HEY1: variants seen among roughly 807,000 people sequenced by gnomAD.
The protein encoded by HEY1 is hes related family bHLH transcription factor with YRPW motif 1, also known as hairy/enhancer-of-split related with YRPW motif protein 1.
Under a neutral mutation model 28.7 loss-of-function variants are expected in HEY1, and 9 were observed. The observed-to-expected ratio is 0.31, with a 90% CI of 0.19 to 0.55. HEY1 has a LOEUF of 0.55. HEY1 is among the 20% of genes least tolerant of loss of function. The pLI, the probability that HEY1 is intolerant of heterozygous loss-of-function variation, is 0.93. For synonymous variants in HEY1, 213 were observed against 175.6 expected (o/e 1.21, Z -1.68); for missense variants, 385 against 399.4 (o/e 0.96, Z 0.31).
At chr8:79,766,334 C>A in intron 4 of HEY1, 1 of 1,500,008 alleles carries the variant, frequency 6.7e-7, no homozygotes, top group Non-Finnish European at 8.8e-7. Context: ...AATGCTTTTT[C>A]TCAAAATAGC....
At position 79,767,107 on chromosome 8, in the gene HEY1, C is replaced by G; in HGVS notation, c.166-15G>C. 1 of 1,609,260 alleles carries G rather than the reference C, an allele frequency of 6.2e-7. No homozygotes were observed. Among genetic ancestry groups the G allele is most frequent in the Middle Eastern group, 1.7e-4 (1 of 6,054 alleles). ...TTCTCAATTATCTGCAGAAGGCAAGCAAAACAAAGGAAGGCATTACCATTA... is the reference window on the plus strand; with the variant it reads ...TTCTCAATTATCTGCAGAAGGCAAGGAAAACAAAGGAAGGCATTACCATTA... On this transcript the variant is annotated splice_polypyrimidine_tract_variant and intron_variant, in intron 2 of 4. Coordinates refer to ENST00000354724, the MANE Select transcript of HEY1 (RefSeq NM_012258.4).
intron 4 of HEY1, 69 bp downstream of exon 4, chr8:79,766,582 T>C: frequency 6.2e-7 from 1 of 1,607,090 alleles, no homozygotes; most frequent in Non-Finnish European, 8.5e-7. Context: ...ACTGCACCAA[T>C]CCTGGCCTTC....
rs1312853248 is a variant in HEY1, at chr8:79,764,022, T to C, written c.*1166A>G. On this transcript the variant is annotated 3_prime_UTR_variant, in exon 5 of 5. Transcript: ENST00000354724. ...ATACACCACAGAATACTTTGTTCTT[T>C]CTTTTTTATTTAGTCACAACACATC... 1 of 172,224 alleles carries C rather than the reference T, an allele frequency of 5.8e-6. No homozygotes were observed. The highest frequency in any genetic ancestry group is 1.2e-5 in the Non-Finnish European group (1 of 81,790). The allele number at this position is 172,224 out of a possible 1,614,324, so 10.7% of individuals were successfully genotyped here.
In HEY1 at chr8:79,765,732, C is replaced by T. The variant is rs748316155; in HGVS notation, c.371G>A (p.Ser124Asn). 5 of 1,613,986 alleles carry T rather than the reference C, an allele frequency of 3.1e-6. No individual in the cohort carries two copies. Among genetic ancestry groups the T allele is most frequent in the Admixed American group, 3.3e-5 (2 of 60,034 alleles). The change falls in exon 5 of 5, where the codon AGT becomes AAT. Residue 124 changes from serine (S) to asparagine (N), a missense_variant. Physicochemically the swap from Ser to Asn is conservative, Grantham distance 46. This residue lies in a region of HEY1 where 83 missense variants were observed against 122.7 expected (regional missense o/e 0.68). Coordinates refer to ENST00000354724, the MANE Select transcript of HEY1 (RefSeq NM_012258.4). ...DAHALAMDYR[S>N]LGFRECLAEV... The stretch of plus-strand genomic sequence containing the variant: ...TGCCAGGCATTCCCGAAATCCCAAA[C>T]TCCGATAGTCCATAGCAAGGGCGTG...
Position 79,767,253 on chromosome 8 carries a change from G to C in HEY1, c.131C>G (p.Ser44Cys). The change falls in exon 2 of 5, where the codon TCT becomes TGT. Residue 44 changes from serine to cysteine, a missense_variant. Around this residue, in one of 3 missense-constraint regions of HEY1, gnomAD observed 79 missense variants for 60.7 expected, o/e 1.30. Coordinates refer to ENST00000354724, the MANE Select transcript of HEY1 (RefSeq NM_012258.4). ...TCTTTTTCTGGCCAAAATCTGGGAA[G>C]ATGTAGTTGGGGACATGGAACCTAG... ...SALGSMSPTT[S>C]SQILARKRRR... The C allele has an allele frequency of 1.2e-6, 2 of 1,614,016 alleles. No individual in the cohort carries two copies. Among genetic ancestry groups the C allele is most frequent in the East Asian group, 4.5e-5 (2 of 44,894 alleles).
chr8:79,767,741 C>G lies in HEY1; in HGVS notation c.-78G>C. ...TTAACTACAGCGGCGCCTCTCCGCT[C>G]TCGGCTGCTTGCGTTCCGCACACAC... On this transcript the variant is annotated 5_prime_UTR_variant, in exon 1 of 5. Coordinates refer to ENST00000354724, the MANE Select transcript of HEY1 (RefSeq NM_012258.4). 3 of 1,040,338 alleles carry G rather than the reference C, an allele frequency of 2.9e-6. No individual in the cohort carries two copies. Among genetic ancestry groups the G allele is most frequent in the Non-Finnish European group, 4.3e-6 (3 of 693,632 alleles). 64.4% of individuals were successfully genotyped at this position (1,040,338 alleles called of 1,614,324 possible).
chr8:79,766,850 G>T, intron 3 of HEY1, 118 bp from the exon 4 acceptor site: 2 of 1,289,898 alleles, frequency 1.6e-6, no homozygotes, highest in Non-Finnish European at 1.1e-6. Context: ...ATGGACTAAA[G>T]CAAAATCAGT....
chr8:79,767,348 G>T (rs997444809), intron 1 of HEY1, 54 bp from the exon 2 acceptor site: 77 of 1,503,680 alleles, frequency 5.1e-5, no homozygotes, highest in Non-Finnish European at 1.3e-5. Context: ...AACGAGGAGA[G>T]GTGATCTGAG....
At position 79,765,708 on chromosome 8, in the gene HEY1, G is replaced by T. The variant is rs1378656619; in HGVS notation, c.395C>A (p.Ala132Glu). ...YRSLGFRECL[A>E]EVARYLSIIE... ...GATGCTCAGATAACGCGCAACTTCTGCCAGGCATTCCCGAAATCCCAAACT... is the reference window on the plus strand; with the variant it reads ...GATGCTCAGATAACGCGCAACTTCTTCCAGGCATTCCCGAAATCCCAAACT... The change falls in exon 5 of 5, where the codon GCA becomes GAA. Residue 132 changes from alanine to glutamate, a missense_variant. Around this residue, in one of 3 missense-constraint regions of HEY1, gnomAD observed 83 missense variants for 122.7 expected, o/e 0.68. Coordinates refer to ENST00000354724, the MANE Select transcript of HEY1 (RefSeq NM_012258.4). 1.2e-6 allele frequency: 2 copies of T among 1,614,196 alleles called. No individual in the cohort carries two copies. Among genetic ancestry groups the T allele is most frequent in the South Asian group, 2.2e-5 (2 of 91,086 alleles).
intron 3 of HEY1, 60 bp downstream of exon 3, chr8:79,766,948 AG>A (rs200244794): frequency 8.5e-6 from 12 of 1,408,636 alleles, no homozygotes; most frequent in Non-Finnish European, 1.2e-5. Flanking sequence ...GAGATTAATG[AG>A]GGGAAGATTC....
chr8:79,764,176 G>A lies in HEY1; in HGVS notation c.*1012C>T. On this transcript the variant is annotated 3_prime_UTR_variant, in exon 5 of 5. Coordinates refer to ENST00000354724, the MANE Select transcript of HEY1 (RefSeq NM_012258.4). ...AAATCAAAGAGAAGGAGGCAGGAAA[G>A]CCCTTTTAAATACCTTGGCAACCAC... 1 of 212,546 alleles carries A rather than the reference G, an allele frequency of 4.7e-6. No homozygotes were observed. 13.2% of individuals were successfully genotyped at this position (212,546 alleles called of 1,614,324 possible).
At chr8:79,766,893 G>A in intron 3 of HEY1, 116 bp downstream of exon 3, 2 of 1,205,950 alleles carry the variant, frequency 1.7e-6, no homozygotes, top group Non-Finnish European at 2.4e-6. Flanking sequence ...ATCTGTGTAC[G>A]AATTCATCTA....
rs1165553743 is a variant in HEY1, at chr8:79,765,574, G to A, written c.529C>T (p.His177Tyr). Residue 177 changes from histidine (H) to tyrosine (Y), a missense_variant, in exon 5 of 5, where the codon CAC becomes TAC. Around this residue, in one of 3 missense-constraint regions of HEY1, gnomAD observed 223 missense variants for 215.9 expected, o/e 1.03. Coordinates refer to ENST00000354724, the MANE Select transcript of HEY1 (RefSeq NM_012258.4). ...CCGAAGACGGTCCCCCAGGGAATGT[G>A]TCCGAGGCCCGCGTGGGCGCCGCTC... ...AASGAHAGLG[H>Y]IPWGTVFGHH... 6.2e-7 allele frequency: 1 copy of A among 1,614,072 alleles called. No homozygotes were observed. The highest frequency in any genetic ancestry group is 1.6e-4 in the Middle Eastern group (1 of 6,084).
chr8:79,764,676 T>C lies in HEY1; in HGVS notation c.*512A>G, dbSNP rs1807782935. 1 of 221,820 alleles carries C rather than the reference T, an allele frequency of 4.5e-6. No homozygotes were observed. The highest frequency in any genetic ancestry group is 9.0e-6 in the Non-Finnish European group (1 of 110,918). 13.7% of individuals were successfully genotyped at this position (221,820 alleles called of 1,614,324 possible). On this transcript the variant is annotated 3_prime_UTR_variant, in exon 5 of 5. Coordinates refer to ENST00000354724, the MANE Select transcript of HEY1 (RefSeq NM_012258.4). Reference sequence around the variant, plus strand: ...TTGCTCAGAAATATAAAATTCAATATAGTTCCCCTCCCCCCAAAAGAATAT... The same window carrying C: ...TTGCTCAGAAATATAAAATTCAATACAGTTCCCCTCCCCCCAAAAGAATAT...
Position 79,767,090 on chromosome 8 carries a change from T to C in HEY1, c.168A>G (p.Ile56Met). 1 of 1,613,636 alleles carries C rather than the reference T, an allele frequency of 6.2e-7. No homozygotes were observed. Among genetic ancestry groups the C allele is most frequent in the Non-Finnish European group, 8.5e-7 (1 of 1,179,638 alleles). ...TCCGGTCTCGTCGGCGCTTCTCAAT[T>C]ATCTGCAGAAGGCAAGCAAAACAAA... ...QILARKRRRGIIEKRRRDRIN... is the reference protein window; with the variant it reads ...QILARKRRRGMIEKRRRDRIN... The change falls in exon 3 of 5, where the codon ATA becomes ATG. Residue 56 changes from isoleucine (I) to methionine (M), a missense_variant and splice_region_variant. Coordinates refer to ENST00000354724, the MANE Select transcript of HEY1 (RefSeq NM_012258.4).
rs1159436713 is a variant in HEY1, at chr8:79,765,590, G to A, written c.513C>T (p.Ala171=). The change falls in exon 5 of 5, where the codon GCC becomes GCT. Residue 171 remains alanine (A), a synonymous_variant. Coordinates refer to ENST00000354724, the MANE Select transcript of HEY1 (RefSeq NM_012258.4). ...AGGGAATGTGTCCGAGGCCCGCGTG[G>A]GCGCCGCTCGCGGCTTCCCGCTGGG... is the stretch of plus-strand genomic sequence containing the variant. ...YASQREAASG[A]HAGLGHIPWG... The A allele has an allele frequency of 1.2e-6, 2 of 1,614,152 alleles. No individual in the cohort carries two copies. The highest frequency in any genetic ancestry group is 1.7e-6 in the Non-Finnish European group (2 of 1,180,046).
In HEY1 at chr8:79,766,386, TCA is replaced by T. The variant is rs1807837987; in HGVS notation, c.331+263_331+264del. 2.1e-6 allele frequency: 3 copies of T among 1,457,558 alleles called. No individual in the cohort carries two copies. The Admixed American group carries it at 8.3e-5, about 40-fold the overall frequency. 90.3% of individuals were successfully genotyped at this position (1,457,558 alleles called of 1,614,324 possible). A position where few individuals can be genotyped will look rare whatever the true frequency, so the allele number is the denominator to read the frequency against. ...AGCTACCTGATCTGAATCAGGGCTG[TCA>T]CAACTTTTGAAGACCTCACAAATAA... is the stretch of plus-strand genomic sequence containing the variant. On this transcript the variant is annotated intron_variant, in intron 4 of 4. Coordinates refer to ENST00000354724, the MANE Select transcript of HEY1 (RefSeq NM_012258.4).
At chr8:79,766,915 C>A (rs1055919472) in intron 3 of HEY1, 94 bp downstream of exon 3, 4 of 1,273,196 alleles carry the variant, frequency 3.1e-6, no homozygotes, top group Non-Finnish European at 4.5e-6. Context: ...GCACAAGCAA[C>A]ACAGCTATTT....
Position 79,767,582 on chromosome 8 carries a change from C to T in HEY1, c.82G>A (p.Glu28Lys), listed in dbSNP as rs759805050. The part of the protein sequence containing the change: ...TIEVEKESAD[E>K]NGNLSSALGS... ...CCGCCGCCGCCAGCTCACCCATTCT[C>T]GTCCGCACTCTCCTTCTCCACCTCG... Residue 28 changes from glutamate to lysine, a missense_variant, in exon 1 of 5, where the codon GAG becomes AAG. Transcript: ENST00000354724. 1 of 1,608,080 alleles carries T rather than the reference C, an allele frequency of 6.2e-7. No individual in the cohort carries two copies. The highest frequency in any genetic ancestry group is 1.1e-5 in the South Asian group (1 of 89,784).
Sources: allele counts gnomAD v4.1 joint callset, GRCh38; gene constraint gnomAD v4.1.1; regional missense constraint gnomAD v4.1.1; transcripts MANE v1.5; gene names NCBI Gene and HGNC (gene_info 2026-07-23, HGNC 2026-07-21).